SNRPN: variants seen among roughly 807,000 people sequenced by gnomAD.
The protein encoded by SNRPN is small nuclear ribonucleoprotein polypeptide N.
Under a neutral mutation model 25.2 loss-of-function variants are expected in SNRPN, and 7 were observed. That is an observed-to-expected ratio of 0.28 (90% confidence interval 0.16 to 0.52). The LOEUF is 0.52. Among genes scored for constraint, SNRPN ranks in the 20% least tolerant of loss-of-function variants. The probability of loss-of-function intolerance (pLI) is 0.96; values close to 1 mark genes in which losing one functional copy is unlikely to be tolerated. For synonymous variants in SNRPN, 124 were observed against 110.6 expected (o/e 1.12, Z -0.76); for missense variants, 196 against 322.5 (o/e 0.61, Z 3.00).
intron 3 of SNRPN, among the ~76,000 whole-genome samples, chr15:24,949,301 C>T (rs553182384): frequency 5.9e-5 from 9 of 152,010 alleles, no homozygotes; most frequent in Admixed American, 1.3e-4. Context: ...GGATTACAGG[C>T]GTGAGCCACC....
chr15:24,911,099 A>T, intron 2 of SNRPN: 3 of 1,386,248 alleles, frequency 2.2e-6, no homozygotes, highest in Non-Finnish European at 2.9e-6. Context: ...CTGGAGAGGG[A>T]TGAAGGAGAT....
intron 1 of SNRPN, among the ~76,000 whole-genome samples, chr15:24,876,553 G>T (rs1055383334): frequency 2.0e-5 from 3 of 149,406 alleles, no homozygotes; most frequent in Non-Finnish European, 4.4e-5. Context: ...GGAGGCAGAG[G>T]TTGCAGTGAG....
chr15:24,926,481 G>T (rs943634058), intron 3 of SNRPN, among the ~76,000 whole-genome samples: 18 of 151,984 alleles, frequency 1.2e-4, no homozygotes, highest in Non-Finnish European at 2.6e-4. Flanking sequence ...GATAAATTAT[G>T]CAGACATTCT....
At chr15:24,966,573 G>A (rs975444280) in intron 2 of SNRPN, among the ~76,000 whole-genome samples, 1 of 152,086 alleles carries the variant, frequency 6.6e-6, no homozygotes, top group Non-Finnish European at 1.5e-5. Context: ...TTTGTGGCCT[G>A]GTTAGTCACC....
intron 2 of SNRPN, among the ~76,000 whole-genome samples, chr15:24,913,990 G>A (rs1282678634): frequency 6.6e-6 from 1 of 152,176 alleles, no homozygotes; most frequent in Non-Finnish European, 1.5e-5. Context: ...CAGTTACTAA[G>A]CATGTTGCTA....
chr15:24,889,903 A>T lies in SNRPN; in HGVS notation c.-505+3314A>T, dbSNP rs113428332. ...CTTCTCTACTAAAAATACAAAAATTAGCCGGGTGTGGTGGTACACGCTTGT... is the reference window on the plus strand; with the variant it reads ...CTTCTCTACTAAAAATACAAAAATTTGCCGGGTGTGGTGGTACACGCTTGT... On this transcript the variant is annotated intron_variant, in intron 2 of 11. Transcript: ENST00000400097. Among the ~76,000 whole-genome samples the T allele has an allele frequency of 4.5e-3, 690 of 151,720 alleles. 4 individuals carry two copies. The highest frequency in any genetic ancestry group is 0.016 in the African/African-American group (662 of 41,426).
upstream of SNRPN, among the ~76,000 whole-genome samples, chr15:24,856,319 A>T (rs2053379036): frequency 6.6e-6 from 1 of 152,144 alleles, no homozygotes; most frequent in Non-Finnish European, 1.5e-5. Context: ...CCCCCACAAC[A>T]TCATTCCCTG....
intron 3 of SNRPN, among the ~76,000 whole-genome samples, chr15:24,937,811 C>T (rs1338336616): frequency 1.3e-5 from 2 of 152,098 alleles, no homozygotes; most frequent in African/African-American, 2.4e-5. Flanking sequence ...CATTCTACTT[C>T]CTGTCTCCAT....
intron 1 of SNRPN, among the ~76,000 whole-genome samples, chr15:24,957,107 C>G (rs1318177139): frequency 6.6e-6 from 1 of 152,108 alleles, no homozygotes; most frequent in East Asian, 1.9e-4. Context: ...TCCCTGTAGT[C>G]TTTGATTTCC....
chr15:24,976,910 G>C lies in SNRPN; in HGVS notation c.301G>C (p.Ala101Pro). ...GIARVPLAGAAGGPGVGRAAG... is the reference protein window; with the variant it reads ...GIARVPLAGAPGGPGVGRAAG... ...TGCTCGGGTACCACTTGCTGGAGCT[G>C]CTGGAGGCCCTGGGGTTGGTAGGGC... The change falls in exon 7 of 10, where the codon GCT (alanine) becomes CCT (proline). Residue 101 changes from alanine to proline, a missense_variant. Coordinates refer to ENST00000390687, the MANE Select transcript of SNRPN (RefSeq NM_003097.6). The C allele has an allele frequency of 6.2e-7, 1 of 1,608,656 alleles. No individual in the cohort carries two copies. Among genetic ancestry groups the C allele is most frequent in the Non-Finnish European group, 8.5e-7 (1 of 1,178,496 alleles).
At chr15:24,917,799 A>G (rs1484143300) in intron 2 of SNRPN, among the ~76,000 whole-genome samples, 2 of 152,266 alleles carry the variant, frequency 1.3e-5, no homozygotes, top group African/African-American at 2.4e-5. Flanking sequence ...TTTAAAAACC[A>G]TAAATGTTCC....
chr15:24,904,683 A>G (rs1346107813), intron 2 of SNRPN, among the ~76,000 whole-genome samples: 1 of 150,112 alleles, frequency 6.7e-6, no homozygotes, highest in Non-Finnish European at 1.5e-5. Flanking sequence ...GAAAAGAAAG[A>G]AAGAAAATCC....
chr15:24,871,781 T>C (rs2055144794), intron 1 of SNRPN, among the ~76,000 whole-genome samples: 1 of 147,534 alleles, frequency 6.8e-6, no homozygotes, highest in Admixed American at 7.0e-5. Flanking sequence ...CTTGGCTCAC[T>C]GCAAGCTCCG....
intron 2 of SNRPN, among the ~76,000 whole-genome samples, chr15:24,966,107 C>T (rs762553543): frequency 6.6e-6 from 1 of 152,012 alleles, no homozygotes; most frequent in Non-Finnish European, 1.5e-5. Context: ...TGTCTAGATG[C>T]CCTCCAGAAC....
chr15:24,960,547 C>T, intron 1 of SNRPN, among the ~76,000 whole-genome samples: 1 of 152,112 alleles, frequency 6.6e-6, no homozygotes. Flanking sequence ...AAGCTGGTCT[C>T]CTGAGCTCAA....
rs923146127 is a variant in SNRPN, at chr15:24,919,445, A to T, written c.-504-566A>T. On this transcript the variant is annotated intron_variant, in intron 2 of 11. Coordinates refer to the SNRPN transcript ENST00000400097. ...GACTCTGTCTCAAAAAAAAAAAAAA[A>T]ATATTCAATTATGCTTGTTAAAGCA... 6.9e-4 allele frequency among the ~76,000 whole-genome samples: 104 copies of T among 151,444 alleles called. 1 individual carries two copies. The highest frequency in any genetic ancestry group is 1.7e-3 in the African/African-American group (69 of 41,274).
Position 24,978,542 on chromosome 15 carries a change from A to T in SNRPN, c.*98A>T, listed in dbSNP as rs1023087219. On this transcript the variant is annotated 3_prime_UTR_variant, in exon 10 of 10. Coordinates refer to ENST00000390687, the MANE Select transcript of SNRPN (RefSeq NM_003097.6). ...GCTTTTTGTTCCCTCATTCTGCATTAATAATAGCTAATAATAAATGCATAG... is the reference window on the plus strand; with the variant it reads ...GCTTTTTGTTCCCTCATTCTGCATTTATAATAGCTAATAATAAATGCATAG... 7.1e-6 allele frequency: 7 copies of T among 986,310 alleles called. No individual in the cohort carries two copies. The African/African-American group carries it at 1.1e-4, about 16-fold the overall frequency. The allele number at this position is 986,310 out of a possible 1,614,324, so 61.1% of individuals were successfully genotyped here.
chr15:24,893,650 A>T (rs1323565292), intron 2 of SNRPN, among the ~76,000 whole-genome samples: 1 of 151,916 alleles, frequency 6.6e-6, no homozygotes, highest in East Asian at 1.9e-4. Flanking sequence ...ATATCTTATC[A>T]GGTTTTGGTC....
intron 3 of SNRPN, among the ~76,000 whole-genome samples, chr15:24,943,566 A>T (rs534328669): frequency 6.6e-6 from 1 of 152,212 alleles, no homozygotes; most frequent in South Asian, 2.1e-4. Flanking sequence ...GTAAGATAAC[A>T]CCCAGTTCAT....
Sources: gnomAD v4.1 joint callset for allele counts (sites outside exome capture counted in the v4.1 genomes callset) on GRCh38, gnomAD v4.1.1 for gene constraint, MANE v1.5 for transcripts, NCBI Gene and HGNC (gene_info 2026-07-23, HGNC 2026-07-21) for gene names.